Variants in GALK1 observed in about 807,000 individuals in gnomAD.
GALK1 encodes the protein galactokinase.
A neutral mutation model predicts 38.6 loss-of-function variants in GALK1; 30 were observed. The ratio of observed to expected loss-of-function variants is 0.78; its 90% CI spans 0.58 to 1.05. The LOEUF (loss-of-function observed/expected upper bound fraction) is 1.05, where lower values mean the gene tolerates loss of function less well. GALK1 is among the 50% of genes least tolerant of loss of function. The pLI, the probability that GALK1 is intolerant of heterozygous loss-of-function variation, is 0.00. For synonymous variants in GALK1, 240 were observed against 233.6 expected (o/e 1.03, Z -0.25); for missense variants, 512 against 540.5 (o/e 0.95, Z 0.52).
downstream of GALK1, chr17:75,756,380 G>A (rs1423812669): frequency 2.5e-6 from 4 of 1,597,520 alleles, no homozygotes; most frequent in African/African-American, 4.0e-5. Flanking sequence ...ATCAGGCCAG[G>A]GGTGGGAGTA....
In GALK1 at chr17:75,758,518, G is replaced by A. The variant is rs866628394; in HGVS notation, c.875C>T (p.Ala292Val). Residue 292 changes from alanine (A) to valine (V), a missense_variant, in exon 6 of 8, where the codon GCG becomes GTG. Transcript: ENST00000588479. ...VGEIRRTAQAAAALRRGDYRA... is the reference protein window; with the variant it reads ...VGEIRRTAQAVAALRRGDYRA... ...GTAGTCGCCACGTCTCAGGGCGGCCGCTGCCTGGGCCGTGCGCCGAATCTC... is the reference window on the plus strand; with the variant it reads ...GTAGTCGCCACGTCTCAGGGCGGCCACTGCCTGGGCCGTGCGCCGAATCTC... 9 of 1,584,292 alleles carry A rather than the reference G, an allele frequency of 5.7e-6. No individual in the cohort carries two copies. Among genetic ancestry groups the A allele is most frequent in the South Asian group, 2.3e-5 (2 of 87,512 alleles).
At chr17:75,755,162 C>A (rs748835678), downstream of GALK1, 11 of 1,611,488 alleles carry the variant, frequency 6.8e-6, no homozygotes, top group African/African-American at 1.3e-5. Flanking sequence ...CAGGGGCCCA[C>A]GAGACTCTAT....
At position 75,758,036 on chromosome 17, in the gene GALK1, T is replaced by C; in HGVS notation, c.*20A>G. On this transcript the variant is annotated 3_prime_UTR_variant, in exon 8 of 8. Transcript: ENST00000588479. ...GCCTGCAGGCCCCGCACCCTCACCG[T>C]GTGCTGTCCTGGGGGTGCCTCACAA... is the stretch of plus-strand genomic sequence containing the variant. 1 of 1,612,186 alleles carries C rather than the reference T, an allele frequency of 6.2e-7. No homozygotes were observed. The highest frequency in any genetic ancestry group is 8.5e-7 in the Non-Finnish European group (1 of 1,179,550).
In GALK1 at chr17:75,762,896, G is replaced by A; in HGVS notation, c.612-11C>T. 6.2e-7 allele frequency: 1 copy of A among 1,613,136 alleles called. No homozygotes were observed. The highest frequency in any genetic ancestry group is 8.5e-7 in the Non-Finnish European group (1 of 1,179,876). On this transcript the variant is annotated splice_polypyrimidine_tract_variant and intron_variant, in intron 4 of 7. Transcript: ENST00000588479. ...CTGGTCTCCAAGGACCTGGGGTGGA[G>A]TTACAATGGGGGAGATGACGAGGCC...
At chr17:75,759,939 T>C (rs990247373) in intron 5 of GALK1, among the ~76,000 whole-genome samples, 1 of 152,216 alleles carries the variant, frequency 6.6e-6, no homozygotes, top group African/African-American at 2.4e-5. Flanking sequence ...TGCCTCTCAC[T>C]GTAGATTCCC....
chr17:75,757,592 C>G (rs1051554), downstream of GALK1: 2 of 1,612,678 alleles, frequency 1.2e-6, no homozygotes. Context: ...TCCCACTAGG[C>G]GTCCTCCCGA....
downstream of GALK1, chr17:75,753,725 C>T (rs2061421030): frequency 1.5e-6 from 2 of 1,322,042 alleles, no homozygotes; most frequent in Non-Finnish European, 1.9e-6. Flanking sequence ...CGGCCCGGCG[C>T]CCCCCGGCGG....
Position 75,759,006 on chromosome 17 carries a change from G to A in GALK1, c.794-407C>T, listed in dbSNP as rs548582408. On this transcript the variant is annotated intron_variant, in intron 5 of 7. Coordinates refer to ENST00000588479, the MANE Select transcript of GALK1 (RefSeq NM_000154.2). Reference sequence around the variant, plus strand: ...TCCCATCTGACTGGAGCTGAGGCTGGAGGGGTACCTGGGTCAGTACCAGTA... The same window carrying A: ...TCCCATCTGACTGGAGCTGAGGCTGAAGGGGTACCTGGGTCAGTACCAGTA... 6.6e-5 allele frequency among the ~76,000 whole-genome samples: 10 copies of A among 152,296 alleles called. No homozygotes were observed. The East Asian group carries it at 1.9e-3, about 29-fold the overall frequency.
intron 5 of GALK1, among the ~76,000 whole-genome samples, chr17:75,762,330 G>C (rs1304799236): frequency 6.6e-6 from 1 of 151,176 alleles, no homozygotes; most frequent in Non-Finnish European, 1.5e-5. Flanking sequence ...AAAAAAAGGG[G>C]GTGGGGGGGG....
chr17:75,754,999 T>C, downstream of GALK1: 1 of 1,565,558 alleles, frequency 6.4e-7, no homozygotes, highest in Non-Finnish European at 8.7e-7. Context: ...TGCGCACACG[T>C]ACACACATGC....
downstream of GALK1, chr17:75,757,541 T>G (rs2061549206): frequency 1.9e-6 from 3 of 1,613,166 alleles, no homozygotes; most frequent in Non-Finnish European, 2.5e-6. Context: ...GGACCAACAG[T>G]TCTTCCAAAC....
chr17:75,753,715 C>A, downstream of GALK1: 1 of 1,266,514 alleles, frequency 7.9e-7, no homozygotes, highest in South Asian at 2.3e-5. Context: ...TGGCCCTGCT[C>A]GGCCCGGCGC....
chr17:75,757,734 C>T (rs1370330133), downstream of GALK1: 1 of 816,098 alleles, frequency 1.2e-6, no homozygotes, highest in Non-Finnish European at 2.0e-6. Flanking sequence ...TCTGTGGGCC[C>T]AAACCTATTT....
At chr17:75,755,009 C>G, downstream of GALK1, 1 of 1,575,280 alleles carries the variant, frequency 6.3e-7, no homozygotes, top group South Asian at 1.1e-5. Context: ...TACACACATG[C>G]ATGCACACTC....
chr17:75,754,630 T>C (rs773675815), downstream of GALK1: 3 of 1,613,990 alleles, frequency 1.9e-6, no homozygotes, highest in African/African-American at 2.7e-5. Flanking sequence ...ACCAACTCCC[T>C]GCACAGGATG....
Position 75,752,281 on chromosome 17 carries a change from C to T in GALK1, c.*23-544G>A, listed in dbSNP as rs762850116. The T allele has an allele frequency of 2.7e-5, 43 of 1,613,262 alleles. No homozygotes were observed. The highest frequency in any genetic ancestry group is 1.6e-4 in the East Asian group (7 of 44,894). ...GCCCTACCGCTACACGGTGAAGGCGCGCAACGGGGCCGGCTGGGGGCCTGA... is the reference window on the plus strand; with the variant it reads ...GCCCTACCGCTACACGGTGAAGGCGTGCAACGGGGCCGGCTGGGGGCCTGA... On this transcript the variant is annotated intron_variant, in intron 8 of 8. Transcript: ENST00000225614.
At chr17:75,761,812 G>A (rs55985465) in intron 5 of GALK1, among the ~76,000 whole-genome samples, 11,576 of 151,828 alleles carry the variant, frequency 0.076, 524 homozygotes, top group Non-Finnish European at 0.1. Flanking sequence ...GAGGTCAGGC[G>A]TTTGAGACCA....
At chr17:75,757,557 C>T (rs767288602), downstream of GALK1, 74 of 1,613,260 alleles carry the variant, frequency 4.6e-5, no homozygotes, top group Admixed American at 4.0e-4. Context: ...CAAACTTGAC[C>T]GCACCCTGCC....
At chr17:75,756,420 TC>T (rs56408237), downstream of GALK1, 795 of 1,612,568 alleles carry the variant, frequency 4.9e-4, 10 homozygotes, top group East Asian at 0.014. Flanking sequence ...CCCCACCTGA[TC>T]CCCCCAGGTG....
Sources: allele counts gnomAD v4.1 joint callset (sites outside exome capture counted in the v4.1 genomes callset), GRCh38; gene constraint gnomAD v4.1.1; transcripts MANE v1.5; gene names NCBI Gene and HGNC (gene_info 2026-07-23, HGNC 2026-07-21).